PRR5L: variants seen among roughly 807,000 people sequenced by gnomAD.
PRR5L encodes the protein proline-rich protein 5-like.
A neutral mutation model predicts 36.4 loss-of-function variants in PRR5L; 21 were observed. That is an observed-to-expected ratio of 0.58 (90% CI 0.41 to 0.83). The LOEUF (loss-of-function observed/expected upper bound fraction) is 0.83, where lower values mean the gene tolerates loss of function less well. Among genes scored for constraint, PRR5L ranks in the 40% least tolerant of loss-of-function variants. PRR5L has a pLI of 0.00. For missense variants in PRR5L, 381 were observed against 473.3 expected (o/e 0.80, Z 1.81); for synonymous variants, 188 against 197.0 (o/e 0.95, Z 0.38).
intron 3 of PRR5L, among the ~76,000 whole-genome samples, chr11:36,413,730 T>C (rs142605324): frequency 0.014 from 2,078 of 143,522 alleles, 57 homozygotes; most frequent in African/African-American, 0.051. Flanking sequence ...ATTTTATTAT[T>C]ATTATACTTT....
intron 1 of PRR5L, among the ~76,000 whole-genome samples, chr11:36,372,510 C>T (rs1857207255): frequency 6.6e-6 from 1 of 152,200 alleles, no homozygotes. Context: ...ATGGTTTGAA[C>T]CCATGCCATT....
intron 1 of PRR5L, among the ~76,000 whole-genome samples, chr11:36,351,184 ATAT>A (rs1173181037): frequency 5.6e-5 from 3 of 53,452 alleles, no homozygotes; most frequent in East Asian, 3.9e-4. Flanking sequence ...CATTATATTA[ATAT>A]TATTAATATA....
chr11:36,346,125 CT>C (rs1352846526), intron 1 of PRR5L, among the ~76,000 whole-genome samples: 1 of 152,038 alleles, frequency 6.6e-6, no homozygotes, highest in African/African-American at 2.4e-5. Flanking sequence ...ATAAATCCAT[CT>C]TTTGAAGGAT....
intron 1 of PRR5L, chr11:36,321,407 G>A (rs1856612558): frequency 6.6e-6 from 1 of 152,188 alleles, no homozygotes; most frequent in Non-Finnish European, 1.5e-5. Context: ...AAGCAAGAAA[G>A]TTTCTTTTCC....
chr11:36,338,220 C>T (rs1034883966), intron 1 of PRR5L, among the ~76,000 whole-genome samples: 1 of 152,188 alleles, frequency 6.6e-6, no homozygotes, highest in Non-Finnish European at 1.5e-5. Context: ...CAAGTATCAA[C>T]CCAGCTTTTC....
At chr11:36,347,242 C>G (rs1231169320) in intron 1 of PRR5L, among the ~76,000 whole-genome samples, 2 of 152,036 alleles carry the variant, frequency 1.3e-5, no homozygotes, top group African/African-American at 4.8e-5. Context: ...ATTTCTTTTT[C>G]ACGTTCCTAA....
intron 7 of PRR5L, among the ~76,000 whole-genome samples, chr11:36,448,697 G>A (rs1858884386): frequency 6.6e-6 from 1 of 152,132 alleles, no homozygotes; most frequent in Admixed American, 6.5e-5. Flanking sequence ...CGTCATGTAG[G>A]GCTTCTTCTC....
intron 1 of PRR5L, among the ~76,000 whole-genome samples, chr11:36,378,961 A>G (rs1028233879): frequency 8.5e-5 from 13 of 152,178 alleles, no homozygotes; most frequent in African/African-American, 2.9e-4. Context: ...TTTCCCTTCA[A>G]TTCTCCATTG....
At chr11:36,373,722 C>G (rs984571243) in intron 1 of PRR5L, among the ~76,000 whole-genome samples, 1 of 144,964 alleles carries the variant, frequency 6.9e-6, no homozygotes, top group African/African-American at 2.9e-5. Context: ...ATGGCATGCT[C>G]GTATGTTGTG....
intron 1 of PRR5L, among the ~76,000 whole-genome samples, chr11:36,308,997 G>A (rs536410881): frequency 3.9e-5 from 6 of 152,328 alleles, no homozygotes; most frequent in African/African-American, 1.4e-4. Context: ...CAGTCACAAA[G>A]TTTTTATTTT....
intron 4 of PRR5L, among the ~76,000 whole-genome samples, chr11:36,420,584 A>G (rs1404504703): frequency 2.0e-5 from 3 of 152,214 alleles, no homozygotes; most frequent in Non-Finnish European, 4.4e-5. Context: ...TTAAGTTTAT[A>G]TAAGTGCCTA....
Position 36,401,038 on chromosome 11 carries a change from G to A in PRR5L, c.-84G>A. 1 of 1,546,454 alleles carries A rather than the reference G, an allele frequency of 6.5e-7. No homozygotes were observed. The highest frequency in any genetic ancestry group is 8.7e-7 in the Non-Finnish European group (1 of 1,146,360). The stretch of plus-strand genomic sequence containing the variant: ...TGGTTTTAAGAAAGCCTGAGGGCCT[G>A]AAGGCAGCCCCTGGAGAAGCCCTTT... On this transcript the variant is annotated 5_prime_UTR_variant, in exon 2 of 9. Coordinates refer to ENST00000530639, the MANE Select transcript of PRR5L (RefSeq NM_001160167.2).
intron 1 of PRR5L, among the ~76,000 whole-genome samples, chr11:36,297,650 C>T (rs558077335): frequency 1.3e-5 from 2 of 152,120 alleles, no homozygotes; most frequent in Non-Finnish European, 2.9e-5. Context: ...TCTTATGGGC[C>T]CCCTTCAGGA....
chr11:36,373,342 T>A (rs1243838654), intron 1 of PRR5L, among the ~76,000 whole-genome samples: 1 of 152,188 alleles, frequency 6.6e-6, no homozygotes, highest in Admixed American at 6.5e-5. Flanking sequence ...GACATTTAGG[T>A]AGAATTTTGG....
chr11:36,411,342 G>A (rs926313611), intron 3 of PRR5L, among the ~76,000 whole-genome samples: 5 of 152,204 alleles, frequency 3.3e-5, no homozygotes, highest in African/African-American at 9.6e-5. Flanking sequence ...AAGACGGTGA[G>A]GCGTGAGATC....
rs1272635006 is a variant in PRR5L, at chr11:36,350,985, TATTTATATATTTA to T, written c.-125-50011_-125-49999del. Among the ~76,000 whole-genome samples the T allele has an allele frequency of 1.0e-4, 9 of 89,224 alleles. 2 individuals are homozygous for T. Among genetic ancestry groups the T allele is most frequent in the African/African-American group, 4.4e-4 (9 of 20,598 alleles). The allele number at this position is 89,224 out of a possible 152,430, so 58.5% of individuals were successfully genotyped here. On this transcript the variant is annotated intron_variant, in intron 1 of 8. Coordinates refer to ENST00000530639, the MANE Select transcript of PRR5L (RefSeq NM_001160167.2). The stretch of plus-strand genomic sequence containing the variant: ...ATTTATATATTTATATATATTTATA[TATTTATATATTTA>T]TATATATTTATATAGTTATATATTT...
Position 36,462,900 on chromosome 11 carries a change from A to C in PRR5L, c.*164A>C. The C allele has an allele frequency of 1.6e-6, 1 of 607,196 alleles. No individual in the cohort carries two copies. Among genetic ancestry groups the C allele is most frequent in the Non-Finnish European group, 2.6e-6 (1 of 389,930 alleles). The allele number at this position is 607,196 out of a possible 1,614,324, so 37.6% of individuals were successfully genotyped here. A position where few individuals can be genotyped will look rare whatever the true frequency, so the allele number is the denominator to read the frequency against. ...ACCTAAGGGGAAACCGTTGTTGTAA[A>C]CCTCTTTATTTTGGTGACTGTGACC... On this transcript the variant is annotated 3_prime_UTR_variant, in exon 9 of 9. Coordinates refer to ENST00000530639, the MANE Select transcript of PRR5L (RefSeq NM_001160167.2).
intron 2 of PRR5L, among the ~76,000 whole-genome samples, chr11:36,402,127 T>A (rs1857810387): frequency 6.6e-6 from 1 of 152,248 alleles, no homozygotes. Flanking sequence ...GCACTATGTC[T>A]TATATGCTTG....
intron 1 of PRR5L, among the ~76,000 whole-genome samples, chr11:36,383,770 A>T (rs1315451099): frequency 1.4e-5 from 2 of 142,776 alleles, no homozygotes; most frequent in African/African-American, 2.6e-5. Context: ...ATCACGGATC[A>T]CTGCAATCAC....
Sources: allele counts gnomAD v4.1 joint callset (sites outside exome capture counted in the v4.1 genomes callset), GRCh38; gene constraint gnomAD v4.1.1; transcripts MANE v1.5; gene names NCBI Gene and HGNC (gene_info 2026-07-23, HGNC 2026-07-21).